EML1: variants seen among roughly 807,000 people sequenced by gnomAD.
The protein encoded by EML1 is echinoderm microtubule-associated protein-like 1.
EML1 carries 27 observed loss-of-function variants against 110.4 expected under a neutral mutation model. The ratio of observed to expected loss-of-function variants is 0.24; its 90% CI spans 0.18 to 0.34. EML1 has a LOEUF of 0.34. Ranked by LOEUF, EML1 falls within the 10% of genes least tolerant of loss-of-function variation. The pLI is 1.00. For synonymous variants in EML1, 344 were observed against 385.8 expected (o/e 0.89, Z 1.27); for missense variants, 741 against 1,030.9 (o/e 0.72, Z 3.85).
chr14:99,807,203 G>T (rs1057124188), intron 1 of EML1, among the ~76,000 whole-genome samples: 2 of 152,174 alleles, frequency 1.3e-5, no homozygotes, highest in Non-Finnish European at 2.9e-5. Flanking sequence ...GTGATCCTCT[G>T]TAATCTACCA....
At chr14:99,742,531 G>A (rs562659668) in intron 1 of EML1, among the ~76,000 whole-genome samples, 139 of 152,258 alleles carry the variant, frequency 9.1e-4, no homozygotes, top group African/African-American at 3.2e-3. Context: ...CCCGGAGGAG[G>A]GCACAGGGAG....
At chr14:99,787,489 G>A (rs984155968) in intron 1 of EML1, among the ~76,000 whole-genome samples, 5 of 152,024 alleles carry the variant, frequency 3.3e-5, no homozygotes, top group Non-Finnish European at 5.9e-5. Context: ...ATGTTGGCCA[G>A]GCTGGTCTCG....
At chr14:99,766,112 C>T (rs1566855479) in intron 1 of EML1, among the ~76,000 whole-genome samples, 1 of 151,288 alleles carries the variant, frequency 6.6e-6, no homozygotes, top group Non-Finnish European at 1.5e-5. Flanking sequence ...TGTGCAAACA[C>T]CTATCTGAGT....
At chr14:99,838,906 T>TGCAC (rs2058582969) in intron 1 of EML1, 1 of 143,476 alleles carries the variant, frequency 7.0e-6, no homozygotes, top group Non-Finnish European at 1.5e-5. Flanking sequence ...GGTTGGGGAG[T>TGCAC]GCGCGCGCGC....
chr14:99,852,881 C>A (rs577114308), intron 2 of EML1, among the ~76,000 whole-genome samples: 24 of 152,254 alleles, frequency 1.6e-4, no homozygotes, highest in African/African-American at 5.3e-4. Context: ...TTTAAGTAAT[C>A]TTTTTTCCTC....
At chr14:99,935,556 GGC>G (rs1317135495) in intron 17 of EML1, among the ~76,000 whole-genome samples, 1 of 152,050 alleles carries the variant, frequency 6.6e-6, no homozygotes, top group Non-Finnish European at 1.5e-5. Context: ...GGCCGAGGCG[GGC>G]GGATCACGAG....
chr14:99,811,704 A>G (rs935233415), intron 1 of EML1, among the ~76,000 whole-genome samples: 2 of 151,182 alleles, frequency 1.3e-5, no homozygotes, highest in Admixed American at 6.6e-5. Context: ...CCAGCTACTT[A>G]AGAGGCTGGG....
At chr14:99,752,501 C>T (rs1282983815) in intron 1 of EML1, among the ~76,000 whole-genome samples, 2 of 152,244 alleles carry the variant, frequency 1.3e-5, no homozygotes, top group African/African-American at 4.8e-5. Flanking sequence ...TGCCCCTACA[C>T]CCCAGCACCT....
At chr14:99,902,750 T>C (rs2059782184) in intron 9 of EML1, among the ~76,000 whole-genome samples, 1 of 152,156 alleles carries the variant, frequency 6.6e-6, no homozygotes. Context: ...TACCTATGGG[T>C]TGGGTAAATT....
intron 2 of EML1, among the ~76,000 whole-genome samples, chr14:99,854,671 C>G (rs1040095029): frequency 7.2e-5 from 11 of 152,180 alleles, no homozygotes; most frequent in Admixed American, 1.3e-4. Flanking sequence ...TATCACACAC[C>G]TTCACTGTGG....
intron 3 of EML1, among the ~76,000 whole-genome samples, chr14:99,874,161 C>G (rs968919777): frequency 2.0e-5 from 3 of 152,172 alleles, no homozygotes; most frequent in Non-Finnish European, 4.4e-5. Context: ...AGAAAGACAT[C>G]TGTTTTTCTT....
At chr14:99,938,182 C>T (rs1595513265) in intron 20 of EML1, among the ~76,000 whole-genome samples, 1 of 152,268 alleles carries the variant, frequency 6.6e-6, no homozygotes, top group East Asian at 1.9e-4. Flanking sequence ...GGAACCCTCT[C>T]CTATCAGGTT....
chr14:99,860,241 C>T (rs1374731325), intron 2 of EML1, among the ~76,000 whole-genome samples: 1 of 152,104 alleles, frequency 6.6e-6, no homozygotes, highest in Non-Finnish European at 1.5e-5. Flanking sequence ...TGTTTGTTGT[C>T]GTGTTTTGCC....
chr14:99,782,290 A>G (rs1046138222), intron 1 of EML1, among the ~76,000 whole-genome samples: 2 of 152,186 alleles, frequency 1.3e-5, no homozygotes, highest in Non-Finnish European at 2.9e-5. Context: ...TTGTGACCTC[A>G]GGCCAGGCCC....
At chr14:99,899,945 T>C (rs1401965769) in intron 8 of EML1, among the ~76,000 whole-genome samples, 1 of 152,164 alleles carries the variant, frequency 6.6e-6, no homozygotes, top group Non-Finnish European at 1.5e-5. Context: ...GAGATTAGAC[T>C]GAACTAGAAC....
chr14:99,759,963 C>A (rs139250376), intron 1 of EML1, among the ~76,000 whole-genome samples: 1 of 151,512 alleles, frequency 6.6e-6, no homozygotes, highest in Non-Finnish European at 1.5e-5. Context: ...AGAAATTAGC[C>A]GGGCGTGGTG....
At chr14:99,804,268 T>A (rs756140880) in intron 1 of EML1, among the ~76,000 whole-genome samples, 18 of 152,218 alleles carry the variant, frequency 1.2e-4, no homozygotes, top group Non-Finnish European at 2.5e-4. Context: ...CTTGTGCTGT[T>A]AGAAGGTGGG....
intron 17 of EML1, among the ~76,000 whole-genome samples, chr14:99,927,281 T>C (rs1316432917): frequency 6.6e-6 from 1 of 152,246 alleles, no homozygotes; most frequent in Non-Finnish European, 1.5e-5. Context: ...TCTATTACAG[T>C]AAATTTGTTG....
In EML1 at chr14:99,781,831, C is replaced by T. The variant is rs1411651183; in HGVS notation, c.-27+7818C>T. On this transcript the variant is annotated intron_variant, in intron 1 of 22. Transcript: ENST00000327921. The surrounding 1 kb of genome is among the most constrained non-coding windows in gnomAD (Gnocchi z 4.2). ...TATGCATTTCTAGCCTCTTTCCCGCCTCCTCTCCATACCTCTCATCTCCCA... is the reference window on the plus strand; with the variant it reads ...TATGCATTTCTAGCCTCTTTCCCGCTTCCTCTCCATACCTCTCATCTCCCA... 6.6e-6 allele frequency among the ~76,000 whole-genome samples: 1 copy of T among 152,180 alleles called. No individual in the cohort carries two copies. Among genetic ancestry groups the T allele is most frequent in the East Asian group, 1.9e-4 (1 of 5,190 alleles).
Sources: allele counts gnomAD v4.1 joint callset (sites outside exome capture counted in the v4.1 genomes callset), GRCh38; gene constraint gnomAD v4.1.1; non-coding constraint Gnocchi (gnomAD v3.1); transcripts MANE v1.5; gene names NCBI Gene and HGNC (gene_info 2026-07-23, HGNC 2026-07-21).